Variants in THSD7A observed in about 807,000 individuals in gnomAD.
THSD7A encodes thrombospondin type-1 domain-containing protein 7A.
THSD7A carries 96 observed loss-of-function variants against 231.3 expected under a neutral mutation model. The ratio of observed to expected loss-of-function variants is 0.41; its 90% CI spans 0.35 to 0.49. The LOEUF (loss-of-function observed/expected upper bound fraction) is 0.49. Among genes scored for constraint, THSD7A ranks in the 20% least tolerant of loss-of-function variants. The pLI, the probability that THSD7A is intolerant of heterozygous loss-of-function variation, is 0.05. For missense variants in THSD7A, 2,290 were observed against 2,070.2 expected (o/e 1.11, Z -2.06); for synonymous variants, 940 against 743.3 (o/e 1.26, Z -4.30).
chr7:11,744,992 G>T (rs1322170136), intron 1 of THSD7A, among the ~76,000 whole-genome samples: 2 of 151,826 alleles, frequency 1.3e-5, no homozygotes, highest in African/African-American at 2.4e-5. Flanking sequence ...GGTATTTCTA[G>T]TTCTAGATCC....
chr7:11,591,384 G>C (rs1780158896), intron 3 of THSD7A, among the ~76,000 whole-genome samples: 2 of 152,132 alleles, frequency 1.3e-5, no homozygotes, highest in African/African-American at 4.8e-5. Flanking sequence ...AAGACAGGAA[G>C]TGATGGCATT....
At chr7:11,686,653 A>T (rs1780063523) in intron 1 of THSD7A, among the ~76,000 whole-genome samples, 2 of 151,950 alleles carry the variant, frequency 1.3e-5, no homozygotes, top group South Asian at 4.1e-4. Flanking sequence ...CTACACAGTC[A>T]TAAAAAGAGT....
chr7:11,766,052 A>AAACTCT (rs1360009938), intron 1 of THSD7A, among the ~76,000 whole-genome samples: 2 of 152,158 alleles, frequency 1.3e-5, no homozygotes, highest in Non-Finnish European at 2.9e-5. Context: ...TAAATAGCTA[A>AAACTCT]AAGTGAAAAA....
intron 1 of THSD7A, among the ~76,000 whole-genome samples, chr7:11,752,465 A>C (rs1194265360): frequency 1.3e-5 from 2 of 152,062 alleles, no homozygotes; most frequent in Non-Finnish European, 2.9e-5. Flanking sequence ...GATCATTTTT[A>C]GTACATAATT....
chr7:11,749,370 A>T (rs1397243543), intron 1 of THSD7A, among the ~76,000 whole-genome samples: 3 of 151,910 alleles, frequency 2.0e-5, no homozygotes, highest in Non-Finnish European at 4.4e-5. Context: ...TTCTTAGAGC[A>T]TGTTGGTTAT....
At chr7:11,394,604 G>C (rs754450244) in intron 23 of THSD7A, among the ~76,000 whole-genome samples, 2 of 152,132 alleles carry the variant, frequency 1.3e-5, no homozygotes, top group South Asian at 4.1e-4. Flanking sequence ...ACCAAGAACC[G>C]ATCTTTGATC....
At chr7:11,696,416 TTTTG>T (rs965415411) in intron 1 of THSD7A, among the ~76,000 whole-genome samples, 30 of 151,476 alleles carry the variant, frequency 2.0e-4, no homozygotes, top group African/African-American at 5.3e-4. Flanking sequence ...CTCTTAAAAT[TTTTG>T]TTTGTTTGTT....
intron 1 of THSD7A, among the ~76,000 whole-genome samples, chr7:11,703,270 G>C (rs896730380): frequency 6.6e-6 from 1 of 151,142 alleles, no homozygotes; most frequent in African/African-American, 2.4e-5. Flanking sequence ...CCTAATAACA[G>C]ACGTAGGAAC....
chr7:11,779,445 T>G (rs1167289722), intron 1 of THSD7A, among the ~76,000 whole-genome samples: 1 of 152,210 alleles, frequency 6.6e-6, no homozygotes, highest in Non-Finnish European at 1.5e-5. Flanking sequence ...TCCAAATCTC[T>G]TTGTCTGACA....
intron 27 of THSD7A, among the ~76,000 whole-genome samples, chr7:11,376,143 C>G (rs925732450): frequency 2.0e-5 from 3 of 151,978 alleles, no homozygotes; most frequent in Non-Finnish European, 4.4e-5. Flanking sequence ...GTATTAACAA[C>G]AGAAATAAAA....
At chr7:11,484,783 A>G (rs1338097211) in intron 6 of THSD7A, among the ~76,000 whole-genome samples, 2 of 150,730 alleles carry the variant, frequency 1.3e-5, no homozygotes, top group East Asian at 3.9e-4. Flanking sequence ...GGGCCTCCCG[A>G]AAGTGTATTT....
intron 1 of THSD7A, among the ~76,000 whole-genome samples, chr7:11,792,722 A>AAT (rs988045918): frequency 4.6e-5 from 7 of 151,856 alleles, no homozygotes; most frequent in Non-Finnish European, 7.4e-5. Context: ...TAAAAATTTA[A>AAT]ATATATATAT....
At chr7:11,412,577 C>G (rs2301743) in intron 18 of THSD7A, 79 bp downstream of exon 18, 530,663 of 1,532,190 alleles carry the variant, frequency 0.35, 94,095 homozygotes, top group African/African-American at 0.37. Context: ...TAGAGATGAA[C>G]TATACTGACA....
At chr7:11,458,524 C>G (rs1480750703) in intron 11 of THSD7A, among the ~76,000 whole-genome samples, 1 of 151,990 alleles carries the variant, frequency 6.6e-6, no homozygotes, top group Non-Finnish European at 1.5e-5. Flanking sequence ...CCCAGATATC[C>G]TGAAAATGGA....
At position 11,808,687 on chromosome 7, in the gene THSD7A, G is replaced by A. The variant is rs551342467; in HGVS notation, c.190+23070C>T. Among the ~76,000 whole-genome samples, 47 of 152,124 alleles carry A rather than the reference G, an allele frequency of 3.1e-4. 1 individual carries two copies. The South Asian group carries it at 9.1e-3, about 30-fold the overall frequency. On this transcript the variant is annotated intron_variant, in intron 1 of 27. Coordinates refer to ENST00000423059, the MANE Select transcript of THSD7A (RefSeq NM_015204.3). ...GCCCGGTTTGGTCATGTAAACTAGG[G>A]TCTTTATTCTTTACTAGTACATGTA...
intron 4 of THSD7A, among the ~76,000 whole-genome samples, chr7:11,567,950 A>G (rs964379459): frequency 1.3e-5 from 2 of 152,068 alleles, no homozygotes; most frequent in African/African-American, 2.4e-5. Flanking sequence ...ACTATTAATG[A>G]GTCCTTACAT....
chr7:11,776,155 T>C (rs898560476), intron 1 of THSD7A, among the ~76,000 whole-genome samples: 1 of 152,198 alleles, frequency 6.6e-6, no homozygotes, highest in Non-Finnish European at 1.5e-5. Flanking sequence ...AATGATTTCC[T>C]GGATAGCCCC....
chr7:11,797,939 A>C (rs1269583519), intron 1 of THSD7A, among the ~76,000 whole-genome samples: 1 of 152,196 alleles, frequency 6.6e-6, no homozygotes, highest in Non-Finnish European at 1.5e-5. Flanking sequence ...GATTAATAAT[A>C]TTTTAAATAA....
chr7:11,566,783 C>G (rs1236619487), intron 4 of THSD7A, among the ~76,000 whole-genome samples: 1 of 152,032 alleles, frequency 6.6e-6, no homozygotes, highest in African/African-American at 2.4e-5. Context: ...TTTACACTGC[C>G]TATATTCTTT....
Sources: allele counts gnomAD v4.1 joint callset (sites outside exome capture counted in the v4.1 genomes callset), GRCh38; gene constraint gnomAD v4.1.1; transcripts MANE v1.5; gene names NCBI Gene and HGNC (gene_info 2026-07-23, HGNC 2026-07-21).